CUEDC1: variants seen among roughly 807,000 people sequenced by gnomAD.
CUEDC1 encodes the protein CUE domain-containing protein 1.
In CUEDC1, 30 loss-of-function variants were observed where a neutral mutation model predicts 43.7. The ratio of observed to expected loss-of-function variants is 0.69; its 90% confidence interval spans 0.51 to 0.93. The LOEUF (loss-of-function observed/expected upper bound fraction) is 0.93. CUEDC1 is among the 40% of genes least tolerant of loss of function. CUEDC1 has a pLI of 0.00. For missense variants in CUEDC1, 486 were observed against 549.0 expected (o/e 0.89, Z 1.15); for synonymous variants, 223 against 223.6 (o/e 1.00, Z 0.02).
At chr17:57,906,239 C>T (rs148525552) in intron 1 of CUEDC1, among the ~76,000 whole-genome samples, 47 of 152,288 alleles carry the variant, frequency 3.1e-4, no homozygotes, top group Non-Finnish European at 1.8e-4. Context: ...ACAAAATGTA[C>T]TCTACATATT....
intron 1 of CUEDC1, among the ~76,000 whole-genome samples, chr17:57,888,693 C>CCCTCAAG (rs2074324667): frequency 6.6e-6 from 1 of 152,268 alleles, no homozygotes; most frequent in South Asian, 2.1e-4. Flanking sequence ...TGGGGACCTG[C>CCCTCAAG]CCTCAAGCCT....
chr17:57,924,139 C>T (rs1254891732), intron 1 of CUEDC1, among the ~76,000 whole-genome samples: 1 of 151,854 alleles, frequency 6.6e-6, no homozygotes, highest in Non-Finnish European at 1.5e-5. Context: ...CAGCGTCTCA[C>T]TCTGTTGCCA....
At chr17:57,928,275 C>T (rs548641290) in intron 1 of CUEDC1, among the ~76,000 whole-genome samples, 1 of 152,046 alleles carries the variant, frequency 6.6e-6, no homozygotes, top group Non-Finnish European at 1.5e-5. Context: ...GGCCGATGGG[C>T]GTGGTGGCTC....
chr17:57,879,497 T>C, intron 3 of CUEDC1, 114 bp downstream of exon 3: 1 of 1,306,644 alleles, frequency 7.7e-7, no homozygotes, highest in Non-Finnish European at 9.9e-7. Flanking sequence ...AGTAGAAGCC[T>C]GTTCTTTGAA....
intron 1 of CUEDC1, among the ~76,000 whole-genome samples, chr17:57,941,525 G>A (rs1488629918): frequency 6.6e-6 from 1 of 152,196 alleles, no homozygotes; most frequent in East Asian, 1.9e-4. Context: ...TCACCCAAAG[G>A]TGTCTGCTGT....
At chr17:57,904,004 T>C (rs184906647) in intron 1 of CUEDC1, among the ~76,000 whole-genome samples, 1 of 150,486 alleles carries the variant, frequency 6.6e-6, no homozygotes, top group African/African-American at 2.4e-5. Context: ...GTCAAAAGTG[T>C]TCCAAGTCAG....
intron 1 of CUEDC1, among the ~76,000 whole-genome samples, chr17:57,940,132 A>G (rs1391923854): frequency 6.6e-6 from 1 of 152,092 alleles, no homozygotes; most frequent in African/African-American, 2.4e-5. Flanking sequence ...TCAACATCAT[A>G]TAGTCAACAT....
intron 1 of CUEDC1, among the ~76,000 whole-genome samples, chr17:57,923,225 T>C (rs2074714437): frequency 6.6e-6 from 1 of 152,174 alleles, no homozygotes; most frequent in Non-Finnish European, 1.5e-5. Context: ...GGCAGATGGC[T>C]GGAAAGGTTA....
chr17:57,910,496 T>C (rs1173825938), intron 1 of CUEDC1, among the ~76,000 whole-genome samples: 2 of 152,016 alleles, frequency 1.3e-5, no homozygotes, highest in Non-Finnish European at 2.9e-5. Flanking sequence ...GCACAGTGGT[T>C]CACACCTGTA....
rs149973413 is a variant in CUEDC1, at chr17:57,902,655, C to T, written c.-315-16776G>A. The stretch of plus-strand genomic sequence containing the variant: ...TGAGAATCCCAAGATAGATTATCCT[C>T]TCACTCTGACCACACTGACTGTCCA... On this transcript the variant is annotated intron_variant, in intron 1 of 10. Coordinates refer to ENST00000577830, the MANE Select transcript of CUEDC1 (RefSeq NM_001271875.2). Among the ~76,000 whole-genome samples the T allele has an allele frequency of 1.4e-4, 22 of 152,342 alleles. No individual in the cohort carries two copies. The East Asian group carries it at 4.2e-3, about 29-fold the overall frequency.
rs1354056330 is a variant in CUEDC1, at chr17:57,954,848, G to C, written c.-316+377C>G. On this transcript the variant is annotated intron_variant, in intron 1 of 10. Transcript: ENST00000577830. The surrounding 1 kb of genome is among the most constrained non-coding windows in gnomAD (Gnocchi z 4.3). ...CAAAAGGGGGAGCGGCGGGAGAGGGGACTCGGGCGAAGCCGGCTCCGGGAG... is the reference window on the plus strand; with the variant it reads ...CAAAAGGGGGAGCGGCGGGAGAGGGCACTCGGGCGAAGCCGGCTCCGGGAG... Among the ~76,000 whole-genome samples, 1 of 151,896 alleles carries C rather than the reference G, an allele frequency of 6.6e-6. No individual in the cohort carries two copies. Among genetic ancestry groups the C allele is most frequent in the South Asian group, 2.1e-4 (1 of 4,826 alleles).
intron 1 of CUEDC1, among the ~76,000 whole-genome samples, chr17:57,898,894 GT>G (rs1352007652): frequency 6.6e-6 from 1 of 152,186 alleles, no homozygotes; most frequent in African/African-American, 2.4e-5. Context: ...GGTAGGAGAA[GT>G]GATTGGAATA....
chr17:57,921,300 G>C (rs1442693219), intron 1 of CUEDC1, among the ~76,000 whole-genome samples: 2 of 152,068 alleles, frequency 1.3e-5, no homozygotes, highest in African/African-American at 2.4e-5. Context: ...AGGCATAAAA[G>C]TTCCTTGTGA....
intron 1 of CUEDC1, among the ~76,000 whole-genome samples, chr17:57,923,180 C>T (rs771707428): frequency 6.6e-6 from 1 of 152,156 alleles, no homozygotes; most frequent in Non-Finnish European, 1.5e-5. Flanking sequence ...GATGCCAATG[C>T]CACTGGTCCA....
chr17:57,903,971 G>T (rs1483883407), intron 1 of CUEDC1, among the ~76,000 whole-genome samples: 1 of 151,528 alleles, frequency 6.6e-6, no homozygotes, highest in Non-Finnish European at 1.5e-5. Context: ...GTTTCCAACA[G>T]GGATAAAATC....
chr17:57,926,965 G>A (rs1855228342), intron 1 of CUEDC1, among the ~76,000 whole-genome samples: 1 of 152,178 alleles, frequency 6.6e-6, no homozygotes, highest in African/African-American at 2.4e-5. Context: ...AGGAAACGTA[G>A]GGAGGTTGGA....
chr17:57,884,902 G>A (rs2144964582), intron 2 of CUEDC1, among the ~76,000 whole-genome samples: 1 of 152,326 alleles, frequency 6.6e-6, no homozygotes. Context: ...TGTTGGGGTG[G>A]GGCCCAGGCA....
rs10528320 is a variant in CUEDC1, at chr17:57,878,647, A to ATTATTTATTTAT, written c.464+952_464+963dup. Among the ~76,000 whole-genome samples, 246 of 147,402 alleles carry ATTATTTATTTAT rather than the reference A, an allele frequency of 1.7e-3. 1 individual carries two copies. Among genetic ancestry groups the ATTATTTATTTAT allele is most frequent in the Non-Finnish European group, 2.7e-3 (178 of 67,096 alleles). ...TGGGATCTTCCTGGCAACTACCTTG[A>ATTATTTATTTAT]TTATTTATTTATTTATTTATTTATT... is the stretch of plus-strand genomic sequence containing the variant. On this transcript the variant is annotated intron_variant, in intron 3 of 10. Transcript: ENST00000577830.
intron 3 of CUEDC1, among the ~76,000 whole-genome samples, chr17:57,876,570 G>A (rs920893884): frequency 6.6e-6 from 1 of 152,184 alleles, no homozygotes; most frequent in Non-Finnish European, 1.5e-5. Flanking sequence ...TAGTTCAGGA[G>A]TGCTGTACTC....
Sources: allele counts gnomAD v4.1 joint callset (sites outside exome capture counted in the v4.1 genomes callset), GRCh38; gene constraint gnomAD v4.1.1; non-coding constraint Gnocchi (gnomAD v3.1); transcripts MANE v1.5; gene names NCBI Gene and HGNC (gene_info 2026-07-23, HGNC 2026-07-21).